PLD1: variants seen among roughly 807,000 people sequenced by gnomAD.
The protein encoded by PLD1 is phospholipase D1.
In PLD1, 112 loss-of-function variants were observed where a neutral mutation model predicts 137.1. That is an observed-to-expected ratio of 0.82 (90% CI 0.70 to 0.96). The LOEUF is 0.96. Ranked by LOEUF, PLD1 falls within the 40% of genes least tolerant of loss-of-function variation. PLD1 has a pLI of 0.00. For missense variants in PLD1, 1,321 were observed against 1,342.0 expected, an observed-to-expected ratio of 0.98 and a Z score of 0.24; for synonymous variants, 431 against 454.7, an observed-to-expected ratio of 0.95 and a Z score of 0.66.
chr3:171,689,668 T>C (rs181555510), intron 13 of PLD1, among the ~76,000 whole-genome samples: 1 of 152,252 alleles, frequency 6.6e-6, no homozygotes, highest in African/African-American at 2.4e-5. Context: ...GCCTGGCTAA[T>C]CTTTTTGTTT....
intron 23 of PLD1, among the ~76,000 whole-genome samples, chr3:171,638,722 C>T (rs2108357391): frequency 6.6e-6 from 1 of 152,190 alleles, no homozygotes; most frequent in South Asian, 2.1e-4. Context: ...AATACAATAC[C>T]ATTAATCGTA....
intron 1 of PLD1, among the ~76,000 whole-genome samples, chr3:171,802,494 A>C (rs973843199): frequency 2.6e-5 from 4 of 152,178 alleles, no homozygotes; most frequent in Non-Finnish European, 5.9e-5. Context: ...ACTTAGGAGA[A>C]GTGTGCTCCA....
intron 1 of PLD1, among the ~76,000 whole-genome samples, chr3:171,802,705 G>C (rs187412782): frequency 2.0e-5 from 3 of 152,176 alleles, no homozygotes; most frequent in Non-Finnish European, 4.4e-5. Context: ...CCTGCAACAC[G>C]CTAGCTGCCT....
Position 171,727,232 on chromosome 3 carries a change from G to A in PLD1, c.607-1156C>T, listed in dbSNP as rs78163511. Among the ~76,000 whole-genome samples the A allele has an allele frequency of 6.5e-3, 992 of 152,252 alleles. 8 individuals carry two copies. Among genetic ancestry groups the A allele is most frequent in the Middle Eastern group, 0.01 (3 of 294 alleles). Reference sequence around the variant, plus strand: ...GTTTGCAGGCCTCTGTTTTAGAGAAGTCAAGTAAGTTGTCCAAGATCACAT... The same window carrying A: ...GTTTGCAGGCCTCTGTTTTAGAGAAATCAAGTAAGTTGTCCAAGATCACAT... On this transcript the variant is annotated intron_variant, in intron 6 of 26. Transcript: ENST00000351298.
rs188059488 is a variant in PLD1 at position 171,762,920 on chromosome 3, A to G, written c.-31-24838T>C. 3.4e-3 allele frequency among the ~76,000 whole-genome samples: 519 copies of G among 152,264 alleles called. 7 individuals carry two copies. The highest frequency in any genetic ancestry group is 2.2e-3 in the Non-Finnish European group (152 of 68,012). ...ATAAAACAGAACTATTAACAAGAAA[A>G]CTAGTTGCCTTAAGTAAGCAATTTT... On this transcript the variant is annotated intron_variant, in intron 1 of 26. Coordinates refer to ENST00000351298, the MANE Select transcript of PLD1 (RefSeq NM_002662.5).
chr3:171,660,797 G>A (rs1414676276), intron 20 of PLD1, among the ~76,000 whole-genome samples: 3 of 151,754 alleles, frequency 2.0e-5, no homozygotes, highest in African/African-American at 7.3e-5. Context: ...TAGTAGAGAC[G>A]GGGTTTCACC....
At chr3:171,624,930 C>A (rs955320949) in intron 23 of PLD1, among the ~76,000 whole-genome samples, 7 of 151,896 alleles carry the variant, frequency 4.6e-5, no homozygotes, top group Non-Finnish European at 1.0e-4. Flanking sequence ...TGGATAAGTA[C>A]AGGGTGAAAA....
intron 1 of PLD1, chr3:171,789,894 GAAC>G (rs796406615): frequency 3.9e-5 from 6 of 152,312 alleles, no homozygotes; most frequent in African/African-American, 1.4e-4. Context: ...TGGCTGGGCT[GAAC>G]CACATTGCCC....
chr3:171,667,980 G>A (rs1578226848), intron 19 of PLD1, among the ~76,000 whole-genome samples: 1 of 152,296 alleles, frequency 6.6e-6, no homozygotes, highest in Middle Eastern at 3.4e-3. Flanking sequence ...TCGAACTCCT[G>A]ACGTCAGGTG....
Position 171,783,758 on chromosome 3 carries a change from T to C in PLD1, c.-32+26641A>G, listed in dbSNP as rs148904460. 5.9e-3 allele frequency among the ~76,000 whole-genome samples: 905 copies of C among 152,272 alleles called. 14 individuals carry two copies. Among genetic ancestry groups the C allele is most frequent in the African/African-American group, 0.021 (868 of 41,538 alleles). ...CTCAGGCTCTAGTGATTTTCCCACC[T>C]CATCCTCCCGAGTAGCTGGGACTAC... is the stretch of plus-strand genomic sequence containing the variant. On this transcript the variant is annotated intron_variant, in intron 1 of 26. Transcript: ENST00000351298.
chr3:171,628,293 C>G (rs2108321906), intron 23 of PLD1, among the ~76,000 whole-genome samples: 1 of 152,324 alleles, frequency 6.6e-6, no homozygotes, highest in Non-Finnish European at 1.5e-5. Context: ...CATATACACC[C>G]TTCGAAGACT....
intron 16 of PLD1, among the ~76,000 whole-genome samples, chr3:171,678,907 T>C (rs1176351600): frequency 6.6e-6 from 1 of 152,202 alleles, no homozygotes; most frequent in Non-Finnish European, 1.5e-5. Flanking sequence ...GGCACATTAT[T>C]ACTTCTACCT....
At chr3:171,737,066 G>A (rs1719415018) in intron 3 of PLD1, among the ~76,000 whole-genome samples, 1 of 152,224 alleles carries the variant, frequency 6.6e-6, no homozygotes, top group Non-Finnish European at 1.5e-5. Flanking sequence ...TGAGGTAATG[G>A]CACTGGCCGA....
chr3:171,805,877 C>T (rs771120628), intron 1 of PLD1, among the ~76,000 whole-genome samples: 3 of 152,162 alleles, frequency 2.0e-5, no homozygotes, highest in Admixed American at 6.5e-5. Flanking sequence ...ACTGCCTCAT[C>T]TATAAAATGG....
rs539910400 is a variant in PLD1, at chr3:171,723,410, T to C, written c.758+1286A>G. Among the ~76,000 whole-genome samples, 3 of 152,322 alleles carry C rather than the reference T, an allele frequency of 2.0e-5. No individual in the cohort carries two copies. The East Asian group carries it at 5.8e-4, about 29-fold the overall frequency. The stretch of plus-strand genomic sequence containing the variant: ...TGGGTTGCTTCCAAATCTTGGCTAT[T>C]GTGAATAGTGCTTCAACACAGATGG... On this transcript the variant is annotated intron_variant, in intron 8 of 26. Coordinates refer to ENST00000351298, the MANE Select transcript of PLD1 (RefSeq NM_002662.5).
At position 171,729,489 on chromosome 3, in the gene PLD1, G is replaced by C. The variant is rs961800814; in HGVS notation, c.607-3413C>G. Among the ~76,000 whole-genome samples the C allele has an allele frequency of 3.3e-5, 5 of 152,274 alleles. No homozygotes were observed. In the East Asian group the frequency reaches 7.7e-4, roughly 24 times the overall value. ...CCTTCCACCCATCCTTGTATTGTAAGAGAAGGGTGACTTTCAGAGGCTCCT... is the reference window on the plus strand; with the variant it reads ...CCTTCCACCCATCCTTGTATTGTAACAGAAGGGTGACTTTCAGAGGCTCCT... On this transcript the variant is annotated intron_variant, in intron 6 of 26. Coordinates refer to ENST00000351298, the MANE Select transcript of PLD1 (RefSeq NM_002662.5).
At chr3:171,640,958 T>A (rs1434416882) in intron 23 of PLD1, among the ~76,000 whole-genome samples, 1 of 152,208 alleles carries the variant, frequency 6.6e-6, no homozygotes, top group South Asian at 2.1e-4. Context: ...CCAGGTTTTT[T>A]AAAAAGTCTA....
chr3:171,762,299 C>CTACA (rs754077549), intron 1 of PLD1, among the ~76,000 whole-genome samples: 205 of 152,210 alleles, frequency 1.3e-3, no homozygotes, highest in Non-Finnish European at 1.5e-3. Context: ...CAAGGTTTGT[C>CTACA]TACACATTTT....
intron 16 of PLD1, among the ~76,000 whole-genome samples, chr3:171,680,064 T>C (rs1713803657): frequency 6.6e-6 from 1 of 152,092 alleles, no homozygotes; most frequent in Admixed American, 6.5e-5. Flanking sequence ...GGACTTCTTG[T>C]TCCTTGCCTG....
Sources: gnomAD v4.1 joint callset for allele counts (sites outside exome capture counted in the v4.1 genomes callset) on GRCh38, gnomAD v4.1.1 for gene constraint, MANE v1.5 for transcripts, NCBI Gene and HGNC (gene_info 2026-07-23, HGNC 2026-07-21) for gene names.